Variants in PEX5L observed in about 807,000 individuals in gnomAD.
The protein encoded by PEX5L is peroxisomal biogenesis factor 5 like, also known as PEX5-related protein.
Under a neutral mutation model 84.0 loss-of-function variants are expected in PEX5L, and 30 were observed. The observed-to-expected ratio is 0.36, with a 90% CI of 0.27 to 0.48. The LOEUF is 0.48. PEX5L is among the 20% of genes least tolerant of loss of function. PEX5L has a pLI of 0.99. For synonymous variants in PEX5L, 270 were observed against 283.1 expected (o/e 0.95, Z 0.46); for missense variants, 533 against 754.6 (o/e 0.71, Z 3.44).
intron 1 of PEX5L, among the ~76,000 whole-genome samples, chr3:180,014,396 C>T (rs1789754488): frequency 1.3e-5 from 2 of 151,800 alleles, no homozygotes; most frequent in South Asian, 2.1e-4. Flanking sequence ...GGCGTGAACC[C>T]GGGAGGCGGA....
intron 2 of PEX5L, among the ~76,000 whole-genome samples, chr3:179,937,524 A>T (rs929891735): frequency 6.6e-6 from 1 of 152,218 alleles, no homozygotes; most frequent in Non-Finnish European, 1.5e-5. Context: ...TGTAACCATA[A>T]TAATATAATG....
intron 1 of PEX5L, among the ~76,000 whole-genome samples, chr3:180,021,285 G>C (rs1790403051): frequency 6.6e-6 from 1 of 152,162 alleles, no homozygotes; most frequent in Non-Finnish European, 1.5e-5. Context: ...TTAGAGTTTG[G>C]AGTTCTTATG....
chr3:179,968,641 T>C, intron 2 of PEX5L, among the ~76,000 whole-genome samples: 1 of 151,966 alleles, frequency 6.6e-6, no homozygotes, highest in East Asian at 1.9e-4. Context: ...ACCTTGGAGA[T>C]TTCTGGTGGA....
intron 5 of PEX5L, among the ~76,000 whole-genome samples, chr3:179,877,373 T>C (rs1182365310): frequency 2.6e-5 from 4 of 152,258 alleles, no homozygotes; most frequent in African/African-American, 9.6e-5. Context: ...TAAGTACTTT[T>C]ACAACCTTTT....
intron 2 of PEX5L, among the ~76,000 whole-genome samples, chr3:179,927,546 T>C (rs1387134313): frequency 1.3e-5 from 2 of 152,224 alleles, no homozygotes; most frequent in African/African-American, 4.8e-5. Flanking sequence ...GAAGTCTACA[T>C]TGTAGAAATT....
intron 2 of PEX5L, among the ~76,000 whole-genome samples, chr3:179,971,037 T>C (rs1457817354): frequency 1.3e-5 from 2 of 152,168 alleles, no homozygotes; most frequent in Non-Finnish European, 2.9e-5. Flanking sequence ...CCATATAACA[T>C]CCAAGCTAGT....
At chr3:179,840,161 T>G (rs35285350) in intron 8 of PEX5L, among the ~76,000 whole-genome samples, 8,469 of 122,984 alleles carry the variant, frequency 0.069, 372 homozygotes, top group African/African-American at 0.082. Flanking sequence ...AAGTTGTTTT[T>G]TGTGTGTGTG....
chr3:179,804,465 G>A (rs1720396259), intron 14 of PEX5L: 1 of 152,108 alleles, frequency 6.6e-6, no homozygotes, highest in Admixed American at 6.5e-5. Flanking sequence ...TTTTGAAAAG[G>A]TTAAGACTCA....
chr3:179,940,796 G>A (rs1775880030), intron 2 of PEX5L, among the ~76,000 whole-genome samples: 2 of 152,178 alleles, frequency 1.3e-5, no homozygotes, highest in African/African-American at 4.8e-5. Flanking sequence ...TAATACATTG[G>A]TACAATAGTG....
chr3:179,850,231 A>G (rs1741277038), intron 8 of PEX5L, among the ~76,000 whole-genome samples: 1 of 151,546 alleles, frequency 6.6e-6, no homozygotes, highest in African/African-American at 2.4e-5. Flanking sequence ...GGTTCAAGTG[A>G]TTCTCCTAAC....
At chr3:180,024,347 A>T (rs564674008) in intron 1 of PEX5L, among the ~76,000 whole-genome samples, 19 of 107,592 alleles carry the variant, frequency 1.8e-4, no homozygotes, top group South Asian at 1.0e-3. Context: ...GTCCCTACTA[A>T]ATATATATAT....
Position 180,030,922 on chromosome 3 carries a change from C to CT in PEX5L, c.21+5656dup, listed in dbSNP as rs56182937. ...TGGAGCTGCTGGCGGGGATTTTTGT[C>CT]TTTTTTTTTTTTTCAATGAAATGGC... On this transcript the variant is annotated intron_variant, in intron 1 of 14. Coordinates refer to ENST00000467460, the MANE Select transcript of PEX5L (RefSeq NM_016559.3). Among the ~76,000 whole-genome samples the CT allele has an allele frequency of 1.5e-3, 209 of 139,382 alleles. 1 individual carries two copies. Among genetic ancestry groups the CT allele is most frequent in the African/African-American group, 2.2e-3 (84 of 38,318 alleles). The allele number at this position is 139,382 out of a possible 152,430, so 91.4% of individuals were successfully genotyped here.
chr3:180,029,894 C>T (rs180722035), intron 1 of PEX5L, among the ~76,000 whole-genome samples: 4 of 152,288 alleles, frequency 2.6e-5, no homozygotes, highest in African/African-American at 9.6e-5. Context: ...TGAGGATGGG[C>T]ATGCACGTTA....
chr3:179,874,418 G>A lies in PEX5L; in HGVS notation c.635C>T (p.Ser212Leu), dbSNP rs747951488. 1.9e-6 allele frequency: 3 copies of A among 1,594,796 alleles called. No homozygotes were observed. In the Admixed American group the frequency reaches 5.0e-5, roughly 27 times the overall value. ...CAGTTCTGGTTGAGATCTGTGTTCT[G>A]AGGACCTATAAGGGATGCATTAAGG... ...RTGSKELLWS[S>L]EHRSQPELSG... Residue 212 changes from serine (S) to leucine (L), a missense_variant, in exon 7 of 15, where the codon TCA becomes TTA. Physicochemically the swap from Ser to Leu is moderately radical, Grantham distance 145. This residue lies in a region of PEX5L where 259 missense variants were observed against 301.7 expected (regional missense o/e 0.86). Transcript: ENST00000467460.
At chr3:179,884,880 A>G (rs1382584655) in intron 4 of PEX5L, among the ~76,000 whole-genome samples, 2 of 152,170 alleles carry the variant, frequency 1.3e-5, no homozygotes, top group Non-Finnish European at 2.9e-5. Flanking sequence ...ATAATTTAGA[A>G]CTTCTATGAG....
intron 1 of PEX5L, among the ~76,000 whole-genome samples, chr3:180,023,152 A>G (rs1439942017): frequency 2.6e-5 from 4 of 152,188 alleles, no homozygotes; most frequent in South Asian, 2.1e-4. Flanking sequence ...TCAGTCCCCA[A>G]TTGATTTGAC....
intron 5 of PEX5L, among the ~76,000 whole-genome samples, chr3:179,877,705 G>A (rs1037905942): frequency 1.3e-5 from 2 of 152,076 alleles, no homozygotes; most frequent in African/African-American, 4.8e-5. Flanking sequence ...CACTCCTCCT[G>A]CCTCAGCCTT....
chr3:179,898,033 TA>T (rs1385591132), intron 3 of PEX5L, 108 bp downstream of exon 3: 14 of 582,730 alleles, frequency 2.4e-5, no homozygotes, highest in African/African-American at 1.3e-4. Flanking sequence ...AAACTGTCTT[TA>T]AAAAAATTGG....
At chr3:179,913,222 C>CCAGTT (rs1765793463) in intron 2 of PEX5L, among the ~76,000 whole-genome samples, 1 of 152,068 alleles carries the variant, frequency 6.6e-6, no homozygotes, top group Admixed American at 6.6e-5. Context: ...TACTTAACAG[C>CCAGTT]TGATTTTCTC....
Sources: gnomAD v4.1 joint callset for allele counts (sites outside exome capture counted in the v4.1 genomes callset) on GRCh38, gnomAD v4.1.1 for gene constraint, gnomAD v4.1.1 regional missense constraint, MANE v1.5 for transcripts, NCBI Gene and HGNC (gene_info 2026-07-23, HGNC 2026-07-21) for gene names.